Variants in EXOC4 observed in about 807,000 individuals in gnomAD.
EXOC4 encodes exocyst complex component 4.
In EXOC4, 71 loss-of-function variants were observed where a neutral mutation model predicts 107.2. That is an observed-to-expected ratio of 0.66 (90% CI 0.55 to 0.81). The LOEUF is 0.81. Ranked by LOEUF, EXOC4 falls within the 30% of genes least tolerant of loss-of-function variation. The pLI is 0.00. For synonymous variants in EXOC4, 456 were observed against 441.2 expected, an observed-to-expected ratio of 1.03 and a Z score of -0.42; for missense variants, 1,108 against 1,189.6, an observed-to-expected ratio of 0.93 and a Z score of 1.01.
At chr7:133,527,304 T>C (rs549041480) in intron 9 of EXOC4, among the ~76,000 whole-genome samples, 79 of 152,092 alleles carry the variant, frequency 5.2e-4, no homozygotes, top group Non-Finnish European at 8.8e-4. Flanking sequence ...CTTGGGAGGC[T>C]GAGGCAGGAG....
chr7:133,708,793 A>C (rs1794822097), intron 10 of EXOC4, among the ~76,000 whole-genome samples: 1 of 152,234 alleles, frequency 6.6e-6, no homozygotes, highest in South Asian at 2.1e-4. Context: ...TATGTACAGC[A>C]TCTTGTTTGT....
chr7:133,253,564 T>C, intron 1 of EXOC4: 8 of 984,628 alleles, frequency 8.1e-6, no homozygotes, highest in Non-Finnish European at 9.7e-6. Context: ...AAAGGCGTCT[T>C]GTTTCCTGGA....
chr7:133,924,854 T>A (rs1220309651), intron 13 of EXOC4, among the ~76,000 whole-genome samples: 2 of 152,258 alleles, frequency 1.3e-5, no homozygotes, highest in East Asian at 3.8e-4. Flanking sequence ...TGTTTTTGCA[T>A]GTAGAGATGG....
intron 7 of EXOC4, among the ~76,000 whole-genome samples, chr7:133,451,727 C>T (rs906975658): frequency 6.6e-6 from 1 of 152,122 alleles, no homozygotes; most frequent in Non-Finnish European, 1.5e-5. Flanking sequence ...GCTGAACTGC[C>T]TTCCTAGGAA....
intron 1 of EXOC4, among the ~76,000 whole-genome samples, chr7:133,272,415 G>A (rs1227900695): frequency 6.6e-6 from 1 of 152,132 alleles, no homozygotes; most frequent in Non-Finnish European, 1.5e-5. Context: ...TGTTTCATCT[G>A]TAAAAAGAGG....
chr7:133,285,921 G>C (rs368133966), intron 2 of EXOC4, among the ~76,000 whole-genome samples: 1 of 151,806 alleles, frequency 6.6e-6, no homozygotes, highest in South Asian at 2.1e-4. Flanking sequence ...CACTATACCC[G>C]GCTGATTTTT....
intron 9 of EXOC4, among the ~76,000 whole-genome samples, chr7:133,536,868 A>G (rs1800279979): frequency 6.6e-6 from 1 of 152,094 alleles, no homozygotes; most frequent in African/African-American, 2.4e-5. Flanking sequence ...GGCAGCAGGA[A>G]GTAGACGGGG....
At chr7:134,050,274 T>C (rs1197252836) in intron 17 of EXOC4, among the ~76,000 whole-genome samples, 1 of 152,196 alleles carries the variant, frequency 6.6e-6, no homozygotes, top group African/African-American at 2.4e-5. Context: ...CAAAAAATAT[T>C]ATGTGCCAGG....
At chr7:133,744,518 A>G (rs1585117209) in intron 10 of EXOC4, among the ~76,000 whole-genome samples, 1 of 152,172 alleles carries the variant, frequency 6.6e-6, no homozygotes, top group African/African-American at 2.4e-5. Flanking sequence ...CTGATGATAG[A>G]GTTGTTGGTT....
chr7:133,482,513 C>T (rs562836455), intron 9 of EXOC4, among the ~76,000 whole-genome samples: 21 of 152,092 alleles, frequency 1.4e-4, no homozygotes, highest in Non-Finnish European at 2.9e-4. Context: ...CTTTTCAGTC[C>T]TGCCCCAGTG....
intron 13 of EXOC4, among the ~76,000 whole-genome samples, chr7:133,923,648 A>G (rs1161929833): frequency 6.6e-6 from 1 of 152,136 alleles, no homozygotes; most frequent in Non-Finnish European, 1.5e-5. Flanking sequence ...GCATATCTGG[A>G]TGTAACATCT....
intron 9 of EXOC4, among the ~76,000 whole-genome samples, chr7:133,586,333 C>T (rs747210121): frequency 1.1e-4 from 17 of 152,286 alleles, no homozygotes; most frequent in Admixed American, 2.0e-4. Flanking sequence ...TGAGGTCATG[C>T]AGTATTCGGT....
intron 10 of EXOC4, among the ~76,000 whole-genome samples, chr7:133,736,062 C>T (rs1795437903): frequency 6.6e-6 from 1 of 151,934 alleles, no homozygotes; most frequent in Non-Finnish European, 1.5e-5. Context: ...ACACTCCAGC[C>T]TGGGTGACAG....
intron 2 of EXOC4, among the ~76,000 whole-genome samples, chr7:133,285,839 A>T (rs1374022235): frequency 6.6e-6 from 1 of 150,682 alleles, no homozygotes; most frequent in African/African-American, 2.4e-5. Flanking sequence ...GCCTCTCTGC[A>T]GTCTCAACCT....
At chr7:133,410,378 C>G (rs917640749) in intron 7 of EXOC4, among the ~76,000 whole-genome samples, 3 of 152,136 alleles carry the variant, frequency 2.0e-5, no homozygotes, top group African/African-American at 7.2e-5. Context: ...GAATGTATAT[C>G]TGTGTGTGTG....
chr7:133,807,555 T>G (rs1797108830), intron 10 of EXOC4, among the ~76,000 whole-genome samples: 1 of 152,010 alleles, frequency 6.6e-6, no homozygotes, highest in South Asian at 2.1e-4. Context: ...TAAATTGCAG[T>G]TTTTCTTGGA....
chr7:133,931,572 T>A (rs1009760077), intron 13 of EXOC4, among the ~76,000 whole-genome samples: 4 of 152,184 alleles, frequency 2.6e-5, no homozygotes, highest in Admixed American at 6.5e-5. Flanking sequence ...AAACTGTAAC[T>A]TAAACTAAAA....
Position 133,483,626 on chromosome 7 carries a change from A to G in EXOC4, c.1417+3488A>G, listed in dbSNP as rs939007257. Among the ~76,000 whole-genome samples, 3 of 152,258 alleles carry G rather than the reference A, an allele frequency of 2.0e-5. 1 individual carries two copies. The highest frequency in any genetic ancestry group is 7.2e-5 in the African/African-American group (3 of 41,470). ...AGAAGAAAAGTAATAGTTAGCAACC[A>G]CATTATGTTCCTAATAATCATTAAA... On this transcript the variant is annotated intron_variant, in intron 9 of 17. Transcript: ENST00000253861.
chr7:133,758,732 A>T (rs151269752), intron 10 of EXOC4, among the ~76,000 whole-genome samples: 6 of 152,362 alleles, frequency 3.9e-5, no homozygotes, highest in African/African-American at 1.4e-4. Context: ...GTATGTGTAC[A>T]TCATAGTTTC....
Sources: allele counts gnomAD v4.1 joint callset (sites outside exome capture counted in the v4.1 genomes callset), GRCh38; gene constraint gnomAD v4.1.1; transcripts MANE v1.5; gene names NCBI Gene and HGNC (gene_info 2026-07-23, HGNC 2026-07-21).